Variants in CDH12 observed in about 807,000 individuals in gnomAD.
The protein encoded by CDH12 is cadherin-12.
A neutral mutation model predicts 74.1 loss-of-function variants in CDH12; 41 were observed. The observed-to-expected ratio is 0.55, with a 90% CI of 0.43 to 0.72. CDH12 has a LOEUF of 0.72. Among genes scored for constraint, CDH12 ranks in the 30% least tolerant of loss-of-function variants. The pLI, the probability that CDH12 is intolerant of heterozygous loss-of-function variation, is 0.00. For synonymous variants in CDH12, 399 were observed against 355.0 expected, an observed-to-expected ratio of 1.12 and a Z score of -1.39; for missense variants, 945 against 977.2, an observed-to-expected ratio of 0.97 and a Z score of 0.44.
intron 1 of CDH12, among the ~76,000 whole-genome samples, chr5:22,795,950 A>C (rs1448283916): frequency 6.6e-6 from 1 of 152,152 alleles, no homozygotes; most frequent in Non-Finnish European, 1.5e-5. Context: ...GTGTTAAGTT[A>C]GAGCCTTCTG....
intron 6 of CDH12, among the ~76,000 whole-genome samples, chr5:21,917,810 T>C (rs1443787700): frequency 6.6e-6 from 1 of 152,210 alleles, no homozygotes. Context: ...TCCATAGAAA[T>C]GCAAATTATT....
chr5:21,943,697 A>G (rs894172811), intron 6 of CDH12, among the ~76,000 whole-genome samples: 26 of 152,188 alleles, frequency 1.7e-4, no homozygotes, highest in African/African-American at 6.0e-4. Context: ...TAGTGTTACC[A>G]TGTAAAATTT....
At chr5:22,656,342 T>A (rs577638490) in intron 1 of CDH12, among the ~76,000 whole-genome samples, 3 of 152,284 alleles carry the variant, frequency 2.0e-5, no homozygotes, top group South Asian at 4.2e-4. Flanking sequence ...CCACTCACTT[T>A]AAAAATATGC....
intron 11 of CDH12, among the ~76,000 whole-genome samples, chr5:21,771,200 T>C (rs1044458190): frequency 1.3e-5 from 2 of 151,930 alleles, no homozygotes; most frequent in Non-Finnish European, 2.9e-5. Flanking sequence ...ATGAAAGTTT[T>C]TTTTTTTTAA....
At chr5:22,684,084 C>T (rs1270641548) in intron 1 of CDH12, among the ~76,000 whole-genome samples, 1 of 152,168 alleles carries the variant, frequency 6.6e-6, no homozygotes, top group Non-Finnish European at 1.5e-5. Context: ...TCCCATGATC[C>T]AGAGATCTTT....
intron 3 of CDH12, among the ~76,000 whole-genome samples, chr5:22,395,129 G>A (rs948886717): frequency 1.3e-5 from 2 of 152,088 alleles, no homozygotes; most frequent in South Asian, 4.1e-4. Flanking sequence ...TACTAGCCTG[G>A]ATTATCTGAG....
intron 4 of CDH12, among the ~76,000 whole-genome samples, chr5:22,161,031 T>C (rs1482676382): frequency 6.6e-6 from 1 of 152,174 alleles, no homozygotes. Flanking sequence ...CTCATGACCC[T>C]TGGAATGCAC....
At chr5:22,491,675 G>T (rs1746878707) in intron 2 of CDH12, among the ~76,000 whole-genome samples, 1 of 149,736 alleles carries the variant, frequency 6.7e-6, no homozygotes, top group African/African-American at 2.5e-5. Flanking sequence ...TTTTAAGAAA[G>T]TTTACAAATT....
At position 22,369,517 on chromosome 5, in the gene CDH12, A is replaced by G. The variant is rs79060026; in HGVS notation, c.-333+35740T>C. On this transcript the variant is annotated intron_variant, in intron 3 of 14. Coordinates refer to ENST00000382254, the MANE Select transcript of CDH12 (RefSeq NM_004061.5). ...AAATACATACAAAGAGAAAAAAATC[A>G]ATTCATGCCTTTAAGATTTCACATT... 1.1e-3 allele frequency among the ~76,000 whole-genome samples: 163 copies of G among 152,342 alleles called. 4 individuals are homozygous for G. In the East Asian group the frequency reaches 0.027, roughly 25 times the overall value.
At position 22,330,784 on chromosome 5, in the gene CDH12, G is replaced by A. The variant is rs185595601; in HGVS notation, c.-333+74473C>T. ...AAAAAAAGCAGACGGAAAAGTAAAGGGAACTTTGTCTTCCACTCTAGGTAT... is the reference window on the plus strand; with the variant it reads ...AAAAAAAGCAGACGGAAAAGTAAAGAGAACTTTGTCTTCCACTCTAGGTAT... On this transcript the variant is annotated intron_variant, in intron 3 of 14. Coordinates refer to ENST00000382254, the MANE Select transcript of CDH12 (RefSeq NM_004061.5). Among the ~76,000 whole-genome samples the A allele has an allele frequency of 1.6e-3, 243 of 151,718 alleles. 7 individuals carry two copies. The highest frequency in any genetic ancestry group is 3.5e-4 in the Non-Finnish European group (24 of 67,912).
At chr5:22,619,561 T>A (rs1475393807) in intron 1 of CDH12, among the ~76,000 whole-genome samples, 3 of 152,104 alleles carry the variant, frequency 2.0e-5, no homozygotes, top group Non-Finnish European at 4.4e-5. Context: ...TTTATTTTTT[T>A]AAATCTATTT....
chr5:22,784,427 T>C (rs543142793), intron 1 of CDH12, among the ~76,000 whole-genome samples: 7 of 152,290 alleles, frequency 4.6e-5, no homozygotes, highest in Admixed American at 4.6e-4. Flanking sequence ...CTTTCTCTAC[T>C]TTATATATTT....
At chr5:22,436,489 A>AT (rs1348209870) in intron 2 of CDH12, among the ~76,000 whole-genome samples, 22 of 151,370 alleles carry the variant, frequency 1.5e-4, no homozygotes, top group African/African-American at 5.3e-4. Context: ...GGAAAAAAAA[A>AT]CTCTGCTCCC....
At chr5:22,507,415 A>T (rs529534740) in intron 1 of CDH12, among the ~76,000 whole-genome samples, 65 of 152,212 alleles carry the variant, frequency 4.3e-4, no homozygotes, top group African/African-American at 1.5e-3. Flanking sequence ...GCTAAATAGT[A>T]GTCAGAATAT....
intron 2 of CDH12, among the ~76,000 whole-genome samples, chr5:22,489,104 C>T (rs1462596818): frequency 1.3e-5 from 1 of 75,604 alleles, no homozygotes; most frequent in Non-Finnish European, 2.5e-5. Context: ...GTTGCCCAGG[C>T]TGGAGTGCAG....
chr5:22,708,482 G>C (rs1215028852), intron 1 of CDH12, among the ~76,000 whole-genome samples: 1 of 152,152 alleles, frequency 6.6e-6, no homozygotes, highest in East Asian at 1.9e-4. Flanking sequence ...TGAGTTTGGA[G>C]AAATGTGTAA....
chr5:21,762,874 C>CTTTTTTTTT (rs10561731), intron 12 of CDH12, among the ~76,000 whole-genome samples: 6 of 128,506 alleles, frequency 4.7e-5, no homozygotes, highest in Non-Finnish European at 3.4e-5. Context: ...AAAGAACTGG[C>CTTTTTTTTT]TTTTTTTTTT....
chr5:22,120,465 AAG>A (rs1399547944), intron 4 of CDH12, among the ~76,000 whole-genome samples: 1 of 152,206 alleles, frequency 6.6e-6, no homozygotes, highest in African/African-American at 2.4e-5. Flanking sequence ...CTCCACAAGC[AAG>A]AGAGAAACAC....
Position 22,767,154 on chromosome 5 carries a change from T to C in CDH12, c.-523+85904A>G, listed in dbSNP as rs144805379. ...ATTTAAAAATCCACCTTGTCTAGGATTGATTTTATATTTAACATAATTTAT... is the reference window on the plus strand; with the variant it reads ...ATTTAAAAATCCACCTTGTCTAGGACTGATTTTATATTTAACATAATTTAT... On this transcript the variant is annotated intron_variant, in intron 1 of 14. Transcript: ENST00000382254. Among the ~76,000 whole-genome samples the C allele has an allele frequency of 1.8e-4, 27 of 152,180 alleles. No homozygotes were observed. The East Asian group carries it at 4.3e-3, about 24-fold the overall frequency.
Sources: gnomAD v4.1 joint callset for allele counts (sites outside exome capture counted in the v4.1 genomes callset) on GRCh38, gnomAD v4.1.1 for gene constraint, MANE v1.5 for transcripts, NCBI Gene and HGNC (gene_info 2026-07-23, HGNC 2026-07-21) for gene names.